SORCS1: variants seen among roughly 807,000 people sequenced by gnomAD.
SORCS1 encodes the protein VPS10 domain-containing receptor SorCS1.
Under a neutral mutation model 146.1 loss-of-function variants are expected in SORCS1, and 60 were observed. The observed-to-expected ratio is 0.41, with a 90% CI of 0.33 to 0.51. The LOEUF is 0.51. Ranked by LOEUF, SORCS1 falls within the 20% of genes least tolerant of loss-of-function variation. SORCS1 has a pLI of 0.21. For missense variants in SORCS1, 1,352 were observed against 1,487.6 expected, an observed-to-expected ratio of 0.91 and a Z score of 1.50; for synonymous variants, 637 against 584.0, an observed-to-expected ratio of 1.09 and a Z score of -1.31.
At chr10:106,702,473 T>C (rs557052309) in intron 8 of SORCS1, among the ~76,000 whole-genome samples, 63 of 152,328 alleles carry the variant, frequency 4.1e-4, no homozygotes, top group Non-Finnish European at 7.8e-4. Flanking sequence ...GCATCACCTA[T>C]ACCGGCCACT....
chr10:106,671,223 T>C lies in SORCS1; in HGVS notation c.2189+14A>G, dbSNP rs182667855. On this transcript the variant is annotated intron_variant, in intron 16 of 25. Transcript: ENST00000263054. ...TACACCAAATGGCTCCAGGAGATAA[T>C]TGCACAAGCTCACCAATCAAAATCA... The C allele has an allele frequency of 1.5e-4, 240 of 1,613,998 alleles. 2 individuals are homozygous for C. In the East Asian group the frequency reaches 3.0e-3, roughly 20 times the overall value.
chr10:106,611,893 G>C lies in SORCS1; in HGVS notation c.3033+18C>G. On this transcript the variant is annotated intron_variant, in intron 22 of 25. Transcript: ENST00000263054. ...GAGAAAAGGTACCCGGGCAAGAGAAGAAACTGTGTGCACTCACTTCCACCA... is the reference window on the plus strand; with the variant it reads ...GAGAAAAGGTACCCGGGCAAGAGAACAAACTGTGTGCACTCACTTCCACCA... The C allele has an allele frequency of 6.3e-7, 1 of 1,576,408 alleles. No homozygotes were observed. The highest frequency in any genetic ancestry group is 8.7e-7 in the Non-Finnish European group (1 of 1,145,950).
chr10:106,686,461 C>A (rs1018448617), intron 10 of SORCS1, among the ~76,000 whole-genome samples: 5 of 152,094 alleles, frequency 3.3e-5, no homozygotes, highest in African/African-American at 9.7e-5. Context: ...AGAGTAGAGA[C>A]CAGCTTAAGG....
At chr10:106,609,061 T>G (rs1272606885) in intron 22 of SORCS1, among the ~76,000 whole-genome samples, 1 of 152,172 alleles carries the variant, frequency 6.6e-6, no homozygotes, top group Non-Finnish European at 1.5e-5. Context: ...CATCTCAATT[T>G]CCACTCCAGG....
At chr10:106,716,305 C>T (rs1855369307) in intron 6 of SORCS1, among the ~76,000 whole-genome samples, 1 of 152,108 alleles carries the variant, frequency 6.6e-6, no homozygotes, top group African/African-American at 2.4e-5. Context: ...TCTTCTAGGT[C>T]CTAGTTCCAT....
chr10:106,654,134 G>T (rs954905514), intron 17 of SORCS1, among the ~76,000 whole-genome samples: 1 of 152,054 alleles, frequency 6.6e-6, no homozygotes, highest in Non-Finnish European at 1.5e-5. Context: ...CTTACTTCTT[G>T]TCTTCTCTAA....
chr10:107,117,468 A>G (rs995057911), intron 1 of SORCS1, among the ~76,000 whole-genome samples: 1 of 152,160 alleles, frequency 6.6e-6, no homozygotes, highest in African/African-American at 2.4e-5. Context: ...CTGTGAGATC[A>G]GGGCCCCCCA....
At chr10:107,032,363 C>A (rs1007288755) in intron 1 of SORCS1, among the ~76,000 whole-genome samples, 2 of 152,156 alleles carry the variant, frequency 1.3e-5, no homozygotes, top group African/African-American at 4.8e-5. Context: ...TCAAGATCCC[C>A]GCAGTGTTCA....
chr10:106,842,753 G>T (rs1417321158), intron 2 of SORCS1, among the ~76,000 whole-genome samples: 1 of 151,706 alleles, frequency 6.6e-6, no homozygotes, highest in African/African-American at 2.4e-5. Context: ...AGCTGGGATT[G>T]CAGGCATGTG....
At chr10:106,578,998 G>C in intron 25 of SORCS1, 1 of 1,511,792 alleles carries the variant, frequency 6.6e-7, no homozygotes, top group Non-Finnish European at 8.8e-7. Context: ...TAGAGCAAAA[G>C]AAAGTGGTTA....
rs1220987902 is a variant in SORCS1 at position 106,960,753 on chromosome 10, C to G, written c.559-4173G>C. On this transcript the variant is annotated intron_variant, in intron 1 of 25. Transcript: ENST00000263054. The surrounding 1 kb of genome is among the most constrained non-coding windows in gnomAD (Gnocchi z 4.4). ...TGCCCACTCACCAAGCTGCTGTTCT[C>G]AAATCACCCATTCCTTGGAGGGTAG... Among the ~76,000 whole-genome samples the G allele has an allele frequency of 3.9e-5, 6 of 152,264 alleles. No individual in the cohort carries two copies. The highest frequency in any genetic ancestry group is 3.9e-4 in the Admixed American group (6 of 15,298).
intron 2 of SORCS1, among the ~76,000 whole-genome samples, chr10:106,842,501 T>C: frequency 6.6e-6 from 1 of 152,170 alleles, no homozygotes; most frequent in East Asian, 1.9e-4. Context: ...CCCAAAGTGC[T>C]GGAATTACAG....
the SORCS1 span, among the ~76,000 whole-genome samples, chr10:107,171,704 C>CG: frequency 6.6e-6 from 1 of 151,856 alleles, no homozygotes; most frequent in Non-Finnish European, 1.5e-5. Context: ...TTAGTAGAGA[C>CG]GGGGTTTCAC....
intron 6 of SORCS1, among the ~76,000 whole-genome samples, chr10:106,710,213 C>A (rs1045957066): frequency 2.0e-5 from 3 of 152,102 alleles, no homozygotes; most frequent in African/African-American, 7.2e-5. Context: ...CTTTGGGAGG[C>A]CAAAGCAGGT....
intron 5 of SORCS1, among the ~76,000 whole-genome samples, chr10:106,731,292 CAAAAAAA>C (rs57238882): frequency 1.7e-4 from 4 of 23,770 alleles, no homozygotes; most frequent in Non-Finnish European, 2.7e-4. Context: ...GACTCCGTCT[CAAAAAAA>C]AAAAAAAAAA....
rs190118015 is a variant in SORCS1, at chr10:107,127,839, G to A, written c.558+36130C>T. Reference sequence around the variant, plus strand: ...GAATGGAGTGAATGTGGCAATAAAGGCTGGTTTTTGAGTCAGGCATACCTG... The same window carrying A: ...GAATGGAGTGAATGTGGCAATAAAGACTGGTTTTTGAGTCAGGCATACCTG... On this transcript the variant is annotated intron_variant, in intron 1 of 25. Coordinates refer to ENST00000263054, the MANE Select transcript of SORCS1 (RefSeq NM_052918.5). 7.7e-3 allele frequency among the ~76,000 whole-genome samples: 1,167 copies of A among 152,264 alleles called. 9 individuals carry two copies. The highest frequency in any genetic ancestry group is 0.014 in the Non-Finnish European group (936 of 68,008).
intron 1 of SORCS1, among the ~76,000 whole-genome samples, chr10:107,055,376 A>T (rs1286617241): frequency 2.6e-5 from 4 of 151,040 alleles, no homozygotes; most frequent in Non-Finnish European, 4.4e-5. Context: ...AGTTTAAGTT[A>T]TACAGGCAGG....
chr10:106,734,632 T>C (rs1212019517), intron 5 of SORCS1, among the ~76,000 whole-genome samples: 3 of 152,252 alleles, frequency 2.0e-5, no homozygotes, highest in Non-Finnish European at 2.9e-5. Context: ...TATCTGTATA[T>C]GTAACTTTTG....
intron 2 of SORCS1, among the ~76,000 whole-genome samples, chr10:106,944,893 T>C (rs1589760079): frequency 8.8e-6 from 1 of 113,808 alleles, no homozygotes; most frequent in South Asian, 3.3e-4. Flanking sequence ...TTTTTTTTTT[T>C]TTTTTTTTTG....
Sources: gnomAD v4.1 joint callset for allele counts (sites outside exome capture counted in the v4.1 genomes callset) on GRCh38, gnomAD v4.1.1 for gene constraint, Gnocchi (gnomAD v3.1) non-coding constraint, MANE v1.5 for transcripts, NCBI Gene and HGNC (gene_info 2026-07-23, HGNC 2026-07-21) for gene names.